GTF2I: variants seen among roughly 807,000 people sequenced by gnomAD.
GTF2I encodes general transcription factor II-I.
In GTF2I, 12 loss-of-function variants were observed where a neutral mutation model predicts 67.6. The ratio of observed to expected loss-of-function variants is 0.18; its 90% CI spans 0.11 to 0.29. The LOEUF (loss-of-function observed/expected upper bound fraction) is 0.29. Ranked by LOEUF, GTF2I falls within the 10% of genes least tolerant of loss-of-function variation. GTF2I has a pLI of 1.00. For missense variants in GTF2I, 271 were observed against 580.1 expected, an observed-to-expected ratio of 0.47 and a Z score of 5.47; for synonymous variants, 149 against 197.0, an observed-to-expected ratio of 0.76 and a Z score of 2.04.
intron 12 of GTF2I, among the ~76,000 whole-genome samples, chr7:74,723,394 T>C (rs1396223762): frequency 7.1e-6 from 1 of 141,048 alleles, no homozygotes; most frequent in African/African-American, 2.6e-5. Context: ...CCCAAAGAGC[T>C]GGGATTACAG....
rs1228836482 is a variant in GTF2I at position 74,743,335 on chromosome 7, CAAAA to C, written c.1679-113_1679-110del. 23 of 281,278 alleles carry C rather than the reference CAAAA, an allele frequency of 8.2e-5. 1 individual carries two copies. Among genetic ancestry groups the C allele is most frequent in the Middle Eastern group, 1.0e-3 (1 of 954 alleles). 17.4% of individuals were successfully genotyped at this position (281,278 alleles called of 1,614,324 possible). ...AAGACTCTGTCTCAAAAAAATAAAA[CAAAA>C]CAAACAAAAAAGAATCACTGCAAAC... On this transcript the variant is annotated intron_variant, in intron 19 of 34. Transcript: ENST00000573035.
intron 1 of GTF2I, 65 bp downstream of exon 1, chr7:74,658,133 G>A (rs1469399056): frequency 6.6e-6 from 1 of 151,590 alleles, no homozygotes; most frequent in Non-Finnish European, 1.5e-5. Context: ...GCGAGCGGGG[G>A]CCTTTATTAG....
At chr7:74,698,513 C>T (rs1216233730) in intron 3 of GTF2I, among the ~76,000 whole-genome samples, 7 of 149,578 alleles carry the variant, frequency 4.7e-5, no homozygotes, top group East Asian at 2.0e-4. Context: ...AACTTCTAGA[C>T]TCAAGCAGCC....
chr7:74,710,987 T>C (rs782747927), intron 8 of GTF2I, 45 bp from the exon 9 acceptor site: 23 of 936,180 alleles, frequency 2.5e-5, no homozygotes, highest in Non-Finnish European at 3.9e-5. Context: ...ACAATCTAGC[T>C]GAAAGTTCTC....
chr7:74,689,300 G>T, intron 2 of GTF2I, 73 bp downstream of exon 2: 1 of 671,518 alleles, frequency 1.5e-6, no homozygotes. Context: ...TGTTTTTGTG[G>T]AAGATAGAAT....
intron 9 of GTF2I, among the ~76,000 whole-genome samples, chr7:74,712,343 C>T (rs782136784): frequency 1.2e-4 from 18 of 152,160 alleles, no homozygotes; most frequent in South Asian, 2.1e-4. Context: ...CAAGAAACAA[C>T]GTGTAACTAT....
rs781817779 is a variant in GTF2I at position 74,689,155 on chromosome 7, C to T, written c.27C>T (p.Leu9=). The T allele has an allele frequency of 2.5e-6, 4 of 1,612,400 alleles. No individual in the cohort carries two copies. The highest frequency in any genetic ancestry group is 2.7e-5 in the African/African-American group (2 of 74,934). MAQVAMST[L]PVEDEESSES... ...TGGCCCAAGTTGCAATGTCCACCCT[C>T]CCCGTTGAAGATGAGGAGTCCTCGG... The change falls in exon 2 of 35, where the codon CTC becomes CTT. Residue 9 remains leucine, a synonymous_variant. Coordinates refer to ENST00000573035, the MANE Select transcript of GTF2I (RefSeq NM_032999.4).
chr7:74,670,996 G>A (rs1298741428), intron 1 of GTF2I, among the ~76,000 whole-genome samples: 2 of 148,422 alleles, frequency 1.3e-5, no homozygotes, highest in Non-Finnish European at 3.0e-5. Context: ...ATTTTTCCTT[G>A]TTTGTTTTTT....
intron 9 of GTF2I, among the ~76,000 whole-genome samples, chr7:74,712,527 TGTGTGTG>T (rs1791715832): frequency 7.1e-6 from 1 of 140,002 alleles, no homozygotes; most frequent in Admixed American, 7.0e-5. Flanking sequence ...TGTGTGTGTG[TGTGTGTG>T]TGTCATGTCA....
chr7:74,689,348 CTTTTTTTTT>C (rs1162860651), intron 2 of GTF2I, 121 bp downstream of exon 2: 26 of 145,278 alleles, frequency 1.8e-4, no homozygotes, highest in Middle Eastern at 2.8e-3. Context: ...TTTTTCTTTA[CTTTTTTTTT>C]TTTTTTTTTT....
chr7:74,660,599 C>T, intron 1 of GTF2I, among the ~76,000 whole-genome samples: 1 of 148,764 alleles, frequency 6.7e-6, no homozygotes, highest in Admixed American at 6.9e-5. Context: ...CTTTTTTTTC[C>T]TTTTCCTTTT....
chr7:74,707,105 C>A (rs370811063), intron 8 of GTF2I, among the ~76,000 whole-genome samples: 45 of 152,342 alleles, frequency 3.0e-4, no homozygotes, highest in African/African-American at 1.1e-3. Flanking sequence ...CTGCCTCAGC[C>A]TTCCAAAGTC....
At chr7:74,658,681 C>A (rs1273339076) in intron 1 of GTF2I, among the ~76,000 whole-genome samples, 1 of 150,340 alleles carries the variant, frequency 6.7e-6, no homozygotes, top group Non-Finnish European at 1.5e-5. Context: ...CGCTGTCCCC[C>A]GCCCCGCCCC....
At chr7:74,687,814 TAC>T (rs1292170538) in intron 1 of GTF2I, among the ~76,000 whole-genome samples, 1 of 152,246 alleles carries the variant, frequency 6.6e-6, no homozygotes, top group Non-Finnish European at 1.5e-5. Flanking sequence ...AATTTGTTTT[TAC>T]AGTTACTATT....
rs587716411 is a variant in GTF2I, at chr7:74,661,871, G to T, written c.-6+3803G>T. On this transcript the variant is annotated intron_variant, in intron 1 of 34. Transcript: ENST00000573035. Reference sequence around the variant, plus strand: ...TGTGGAATAAAATGGGAAATCTTTGGAAGTTTGGCTTTTTTCCCACTCTGA... The same window carrying T: ...TGTGGAATAAAATGGGAAATCTTTGTAAGTTTGGCTTTTTTCCCACTCTGA... 2.0e-5 allele frequency among the ~76,000 whole-genome samples: 3 copies of T among 152,252 alleles called. No homozygotes were observed. In the East Asian group the frequency reaches 5.8e-4, roughly 29 times the overall value.
intron 14 of GTF2I, among the ~76,000 whole-genome samples, chr7:74,732,190 AG>A (rs1330863076): frequency 3.4e-4 from 51 of 149,674 alleles, no homozygotes; most frequent in Non-Finnish European, 1.6e-4. Context: ...TATATAACAC[AG>A]TGAAACCCCC....
chr7:74,721,500 C>T (rs587636872), intron 12 of GTF2I, among the ~76,000 whole-genome samples: 7 of 152,052 alleles, frequency 4.6e-5, no homozygotes, highest in Admixed American at 3.9e-4. Flanking sequence ...TAGCATTTTC[C>T]ATGTCATATG....
intron 12 of GTF2I, among the ~76,000 whole-genome samples, chr7:74,720,563 A>G (rs1426057278): frequency 6.6e-6 from 1 of 152,138 alleles, no homozygotes; most frequent in East Asian, 1.9e-4. Context: ...ATTCGTTTTT[A>G]GTGAGAAACC....
chr7:74,710,356 C>T (rs587607692), intron 8 of GTF2I, among the ~76,000 whole-genome samples: 3 of 151,714 alleles, frequency 2.0e-5, no homozygotes, highest in East Asian at 1.9e-4. Flanking sequence ...GAGGGAGTCT[C>T]GCCGTGTCAC....
Sources: allele counts gnomAD v4.1 joint callset (sites outside exome capture counted in the v4.1 genomes callset), GRCh38; gene constraint gnomAD v4.1.1; transcripts MANE v1.5; gene names NCBI Gene and HGNC (gene_info 2026-07-23, HGNC 2026-07-21).